ABHD2: variants seen among roughly 807,000 people sequenced by gnomAD.
The protein encoded by ABHD2 is monoacylglycerol lipase ABHD2.
A neutral mutation model predicts 48.1 loss-of-function variants in ABHD2; 20 were observed. The ratio of observed to expected loss-of-function variants is 0.42; its 90% confidence interval spans 0.29 to 0.60. The LOEUF (loss-of-function observed/expected upper bound fraction) is 0.60, where lower values mean the gene tolerates loss of function less well. Among genes scored for constraint, ABHD2 ranks in the 20% least tolerant of loss-of-function variants. ABHD2 has a pLI of 0.24. For missense variants in ABHD2, 405 were observed against 550.9 expected (o/e 0.74, Z 2.65); for synonymous variants, 209 against 214.2 (o/e 0.98, Z 0.21).
upstream of ABHD2, among the ~76,000 whole-genome samples, chr15:89,083,130 C>T (rs928546950): frequency 6.6e-6 from 1 of 152,192 alleles, no homozygotes; most frequent in Non-Finnish European, 1.5e-5. This position sits in a 1 kb window ranked among gnomAD's most constrained non-coding sequence, Gnocchi z 5.1. Context: ...GCTGGGATTA[C>T]AGGTGTGAGC....
At chr15:89,108,279 C>T (rs567640469) in intron 1 of ABHD2, among the ~76,000 whole-genome samples, 1 of 152,310 alleles carries the variant, frequency 6.6e-6, no homozygotes, top group South Asian at 2.1e-4. Context: ...CCCTGCTTGT[C>T]TCCTCTTCTG....
chr15:89,060,748 A>G, the ABHD2 span, among the ~76,000 whole-genome samples: 4 of 151,792 alleles, frequency 2.6e-5, no homozygotes, highest in South Asian at 6.2e-4. Context: ...AAGAATAAAG[A>G]CAAAGGGGGG....
Position 89,092,839 on chromosome 15 carries a change from A to G in ABHD2, c.-107+4276A>G, listed in dbSNP as rs58399976. Among the ~76,000 whole-genome samples, 508 of 152,342 alleles carry G rather than the reference A, an allele frequency of 3.3e-3. 2 individuals are homozygous for G. The highest frequency in any genetic ancestry group is 0.012 in the African/African-American group (487 of 41,574). On this transcript the variant is annotated intron_variant, in intron 1 of 10. Transcript: ENST00000352732. The surrounding 1 kb of genome is among the most constrained non-coding windows in gnomAD (Gnocchi z 4.4). ...TTTTTATGAAGGCCGTCTATTTTAGATATCTGTTTTCTGTTTCTAAGGATG... is the reference window on the plus strand; with the variant it reads ...TTTTTATGAAGGCCGTCTATTTTAGGTATCTGTTTTCTGTTTCTAAGGATG...
chr15:89,129,254 A>G (rs889417768), intron 3 of ABHD2, among the ~76,000 whole-genome samples: 1 of 152,108 alleles, frequency 6.6e-6, no homozygotes, highest in African/African-American at 2.4e-5. Context: ...GAGGCAGGCC[A>G]TGGCTAGGGT....
chr15:89,093,924 G>A (rs1302680201), intron 1 of ABHD2: 3 of 152,140 alleles, frequency 2.0e-5, no homozygotes, highest in African/African-American at 7.2e-5. Context: ...CTTGCCTCTC[G>A]GGTTTTTTTT....
rs896238959 is a variant in ABHD2 at position 89,168,308 on chromosome 15, C to A, written c.539-7504C>A. On this transcript the variant is annotated intron_variant, in intron 5 of 10. Coordinates refer to ENST00000352732, the MANE Select transcript of ABHD2 (RefSeq NM_152924.5). The surrounding 1 kb of genome is among the most constrained non-coding windows in gnomAD (Gnocchi z 4.8). Reference sequence around the variant, plus strand: ...TCAGATTTCATCTTACTTTAAAAAGCGGCAGCAAGATTATATAGTTACCTA... The same window carrying A: ...TCAGATTTCATCTTACTTTAAAAAGAGGCAGCAAGATTATATAGTTACCTA... Among the ~76,000 whole-genome samples, 3 of 152,132 alleles carry A rather than the reference C, an allele frequency of 2.0e-5. No individual in the cohort carries two copies. Among genetic ancestry groups the A allele is most frequent in the African/African-American group, 7.2e-5 (3 of 41,416 alleles).
chr15:89,080,104 A>G, the ABHD2 span, among the ~76,000 whole-genome samples: 1 of 152,204 alleles, frequency 6.6e-6, no homozygotes, highest in Non-Finnish European at 1.5e-5. Flanking sequence ...TTTACAGGAA[A>G]GGCAAGAGCA....
At chr15:89,143,100 G>A (rs569640166) in intron 3 of ABHD2, among the ~76,000 whole-genome samples, 1 of 151,332 alleles carries the variant, frequency 6.6e-6, no homozygotes, top group African/African-American at 2.4e-5. Flanking sequence ...TCGTTTTTTT[G>A]TCCGTGTCAT....
chr15:89,076,754 G>A, the ABHD2 span, among the ~76,000 whole-genome samples: 1 of 152,150 alleles, frequency 6.6e-6, no homozygotes. Context: ...AAAGTGCTAG[G>A]ATTACAGGCA....
chr15:89,195,399 G>A lies in ABHD2; in HGVS notation c.1254G>A (p.Glu418=). The change falls in exon 11 of 11, where the codon GAG becomes GAA. Residue 418 remains glutamate (E), a synonymous_variant. Coordinates refer to ENST00000352732, the MANE Select transcript of ABHD2 (RefSeq NM_152924.5). This position sits in a 1 kb window ranked among gnomAD's most constrained non-coding sequence, Gnocchi z 5.1. ...ACAAGTTGCAGTGCTCTGACACGGA[G>A]CAGGTGGAGGCCGACCTGGAGTGAG... ...ERNKLQCSDT[E]QVEADLE is the part of the protein sequence containing the mutation. 6.2e-7 allele frequency: 1 copy of A among 1,614,016 alleles called. No individual in the cohort carries two copies. The highest frequency in any genetic ancestry group is 8.5e-7 in the Non-Finnish European group (1 of 1,180,000).
Position 89,166,816 on chromosome 15 carries a change from CAT to C in ABHD2, c.539-8990_539-8989del, listed in dbSNP as rs2050844839. On this transcript the variant is annotated intron_variant, in intron 5 of 10. Transcript: ENST00000352732. This position sits in a 1 kb window ranked among gnomAD's most constrained non-coding sequence, Gnocchi z 4.6. ...GACCCTATCTCTTAAAACAAACAAA[CAT>C]ATATACAAACAATCTTTTGGAACCT... Among the ~76,000 whole-genome samples the C allele has an allele frequency of 6.6e-6, 1 of 152,078 alleles. No individual in the cohort carries two copies. Among genetic ancestry groups the C allele is most frequent in the Non-Finnish European group, 1.5e-5 (1 of 68,012 alleles).
chr15:89,046,259 G>A, the ABHD2 span, among the ~76,000 whole-genome samples: 4 of 152,176 alleles, frequency 2.6e-5, no homozygotes, highest in Non-Finnish European at 4.4e-5. Context: ...ACTTGATCAT[G>A]GTGGATAAGC....
chr15:89,045,739 T>C, the ABHD2 span, among the ~76,000 whole-genome samples: 2 of 152,186 alleles, frequency 1.3e-5, no homozygotes, highest in Admixed American at 6.5e-5. Context: ...TTTTTGTACA[T>C]TGATTTTGTA....
In ABHD2 at chr15:89,182,260, T is replaced by C. The variant is rs546240622; in HGVS notation, c.723-3164T>C. On this transcript the variant is annotated intron_variant, in intron 6 of 10. Transcript: ENST00000352732. The surrounding 1 kb of genome is among the most constrained non-coding windows in gnomAD (Gnocchi z 4.8). ...TTTCCTTTTGGAGTCATCCTGGTTC[T>C]TTCTGAAGTTTTGAAACCTACCCTC... Among the ~76,000 whole-genome samples the C allele has an allele frequency of 2.4e-4, 37 of 152,196 alleles. No homozygotes were observed. The highest frequency in any genetic ancestry group is 4.9e-4 in the Non-Finnish European group (33 of 68,038).
the ABHD2 span, among the ~76,000 whole-genome samples, chr15:89,079,283 T>C: frequency 6.6e-6 from 1 of 152,236 alleles, no homozygotes; most frequent in Non-Finnish European, 1.5e-5. This position sits in a 1 kb window ranked among gnomAD's most constrained non-coding sequence, Gnocchi z 4.3. Flanking sequence ...AGTAATCTCC[T>C]GTCTCATTGC....
chr15:89,073,395 A>C, the ABHD2 span, among the ~76,000 whole-genome samples: 1 of 152,162 alleles, frequency 6.6e-6, no homozygotes, highest in Non-Finnish European at 1.5e-5. Flanking sequence ...TCCTAGGTTC[A>C]AGCGATTCTC....
Position 89,201,693 on chromosome 15 carries a change from A to G in ABHD2, c.*6270A>G, listed in dbSNP as rs1429897856. On this transcript the variant is annotated 3_prime_UTR_variant, in exon 11 of 11. Transcript: ENST00000352732. The stretch of plus-strand genomic sequence containing the variant: ...TCTATCCGATGGATTTCGCAATTTA[A>G]GATTTGTAGTGACTACATCTGTGAA... 1 of 1,608,728 alleles carries G rather than the reference A, an allele frequency of 6.2e-7. No individual in the cohort carries two copies. Among genetic ancestry groups the G allele is most frequent in the African/African-American group, 1.3e-5 (1 of 74,940 alleles).
Position 89,091,462 on chromosome 15 carries a change from T to C in ABHD2, c.-107+2899T>C, listed in dbSNP as rs1006408579. On this transcript the variant is annotated intron_variant, in intron 1 of 10. Coordinates refer to ENST00000352732, the MANE Select transcript of ABHD2 (RefSeq NM_152924.5). This position sits in a 1 kb window ranked among gnomAD's most constrained non-coding sequence, Gnocchi z 5.5. ...ATGGGCCCCTTTCTCTCTTTCTCAC[T>C]CTCTTTTCTCAGTATTTTGGTGGAT... 1.3e-5 allele frequency among the ~76,000 whole-genome samples: 2 copies of C among 152,186 alleles called. No homozygotes were observed. Among genetic ancestry groups the C allele is most frequent in the Admixed American group, 1.3e-4 (2 of 15,286 alleles).
chr15:89,041,093 T>G, the ABHD2 span: 1 of 152,242 alleles, frequency 6.6e-6, no homozygotes, highest in African/African-American at 2.4e-5. Context: ...GGAACCCAAC[T>G]ATTGTGCTGC....
Sources: gnomAD v4.1 joint callset for allele counts (sites outside exome capture counted in the v4.1 genomes callset) on GRCh38, gnomAD v4.1.1 for gene constraint, Gnocchi (gnomAD v3.1) non-coding constraint, MANE v1.5 for transcripts, NCBI Gene and HGNC (gene_info 2026-07-23, HGNC 2026-07-21) for gene names.